The following ZDHHC14 variants were observed in gnomAD, a reference collection of about 807,000 sequenced individuals.
ZDHHC14 encodes zDHHC palmitoyltransferase 14.
Under a neutral mutation model 47.7 loss-of-function variants are expected in ZDHHC14, and 16 were observed. The observed-to-expected ratio is 0.34, with a 90% CI of 0.23 to 0.51. The LOEUF (loss-of-function observed/expected upper bound fraction) is 0.51. ZDHHC14 is among the 20% of genes least tolerant of loss of function. The pLI is 0.97. For synonymous variants in ZDHHC14, 293 were observed against 278.9 expected (o/e 1.05, Z -0.50); for missense variants, 515 against 662.5 (o/e 0.78, Z 2.44).
chr6:157,600,037 T>C (rs2114905115), intron 3 of ZDHHC14, among the ~76,000 whole-genome samples: 1 of 152,316 alleles, frequency 6.6e-6, no homozygotes, highest in South Asian at 2.1e-4. Context: ...CTGAAAAGTT[T>C]TATGAAGAAC....
chr6:157,575,857 T>C (rs1783286188), intron 2 of ZDHHC14, among the ~76,000 whole-genome samples: 1 of 152,214 alleles, frequency 6.6e-6, no homozygotes, highest in Non-Finnish European at 1.5e-5. Context: ...CCCTCAATGC[T>C]CATAGGTGTT....
At chr6:157,588,854 G>T (rs1419639877) in intron 2 of ZDHHC14, among the ~76,000 whole-genome samples, 1 of 152,090 alleles carries the variant, frequency 6.6e-6, no homozygotes, top group Non-Finnish European at 1.5e-5. Flanking sequence ...TCGGTGAAAT[G>T]CAGATTCCCA....
chr6:157,542,531 C>A, intron 1 of ZDHHC14, 54 bp from the exon 2 acceptor site: 1 of 1,579,466 alleles, frequency 6.3e-7, no homozygotes, highest in South Asian at 1.2e-5. Flanking sequence ...TGATTCCTAA[C>A]ATTGTATTTC....
intron 3 of ZDHHC14, among the ~76,000 whole-genome samples, chr6:157,623,189 A>G (rs943190336): frequency 6.6e-6 from 1 of 152,092 alleles, no homozygotes; most frequent in Admixed American, 6.5e-5. Context: ...TCCCCACCCA[A>G]ATCTCATCCT....
chr6:157,450,190 A>G (rs1371152579), intron 1 of ZDHHC14, among the ~76,000 whole-genome samples: 3 of 152,052 alleles, frequency 2.0e-5, no homozygotes, highest in Non-Finnish European at 2.9e-5. Flanking sequence ...TTCTCAAGCC[A>G]GACTAGTATG....
chr6:157,565,978 G>C (rs915591759), intron 2 of ZDHHC14, among the ~76,000 whole-genome samples: 8 of 152,228 alleles, frequency 5.3e-5, no homozygotes, highest in Non-Finnish European at 1.2e-4. Context: ...TTGATTCCCA[G>C]GAAAACGCTC....
chr6:157,664,193 T>G (rs1197397406), intron 8 of ZDHHC14, among the ~76,000 whole-genome samples: 3 of 152,214 alleles, frequency 2.0e-5, no homozygotes, highest in Non-Finnish European at 4.4e-5. Context: ...ACTGGATAAT[T>G]TCTTTGGATC....
At chr6:157,465,244 G>A (rs183218932) in intron 1 of ZDHHC14, among the ~76,000 whole-genome samples, 7 of 150,810 alleles carry the variant, frequency 4.6e-5, no homozygotes, top group African/African-American at 1.7e-4. Flanking sequence ...TTTAGATTGT[G>A]TTAGTTTCAG....
Position 157,460,405 on chromosome 6 carries a change from GAAAAAAAAAAAAAAAAAA to G in ZDHHC14, c.245+78152_245+78169del, listed in dbSNP as rs1164382844. 3.0e-4 allele frequency among the ~76,000 whole-genome samples: 13 copies of G among 43,388 alleles called. No individual in the cohort carries two copies. In the East Asian group the frequency reaches 3.2e-3, roughly 11 times the overall value. The allele number at this position is 43,388 out of a possible 152,430, so 28.5% of individuals were successfully genotyped here. Reference sequence around the variant, plus strand: ...CAGAGCCAGACTCACTCTCTCTCTGGAAAAAAAAAAAAAAAAAAAAAAAAAAAAAAGAGTCATTCCTAT... The same window carrying G: ...CAGAGCCAGACTCACTCTCTCTCTGGAAAAAAAAAAAAGAGTCATTCCTAT... On this transcript the variant is annotated intron_variant, in intron 1 of 8. Coordinates refer to ENST00000359775, the MANE Select transcript of ZDHHC14 (RefSeq NM_024630.3).
intron 5 of ZDHHC14, among the ~76,000 whole-genome samples, chr6:157,633,857 T>C (rs1776837391): frequency 6.6e-6 from 1 of 152,208 alleles, no homozygotes; most frequent in South Asian, 2.1e-4. Context: ...TTCACCATGT[T>C]GGCCAGGCTG....
At chr6:157,420,629 C>T (rs1342021008) in intron 1 of ZDHHC14, among the ~76,000 whole-genome samples, 10 of 152,200 alleles carry the variant, frequency 6.6e-5, no homozygotes, top group Admixed American at 1.3e-4. Flanking sequence ...TGAGTGGCCT[C>T]GGTCAGCTTT....
At chr6:157,469,390 C>T (rs974289340) in intron 1 of ZDHHC14, among the ~76,000 whole-genome samples, 1 of 152,158 alleles carries the variant, frequency 6.6e-6, no homozygotes, top group Non-Finnish European at 1.5e-5. Context: ...GGCAGTTGTG[C>T]CCTAGGTACT....
intron 3 of ZDHHC14, among the ~76,000 whole-genome samples, chr6:157,602,448 C>G (rs989718956): frequency 1.3e-4 from 20 of 149,586 alleles, no homozygotes; most frequent in Non-Finnish European, 2.7e-4. Context: ...CGAGATGGCA[C>G]CACTGCACTC....
At chr6:157,623,401 G>T (rs549032221) in intron 3 of ZDHHC14, among the ~76,000 whole-genome samples, 1 of 151,930 alleles carries the variant, frequency 6.6e-6, no homozygotes, top group Non-Finnish European at 1.5e-5. Flanking sequence ...ATGTGTTTGC[G>T]TCCCCTTCCA....
At chr6:157,631,576 T>A (rs1785741403) in intron 4 of ZDHHC14, 1 of 151,914 alleles carries the variant, frequency 6.6e-6, no homozygotes, top group Non-Finnish European at 1.5e-5. Flanking sequence ...GTCATCTGAG[T>A]CTCTCTGTGG....
chr6:157,508,720 ATCCATC>A (rs200152011), intron 1 of ZDHHC14, among the ~76,000 whole-genome samples: 1,695 of 152,248 alleles, frequency 0.011, 36 homozygotes, highest in African/African-American at 0.038. Flanking sequence ...CTTTTGTATT[ATCCATC>A]TCTTGATCTT....
At chr6:157,565,130 C>T (rs534399378) in intron 2 of ZDHHC14, among the ~76,000 whole-genome samples, 2 of 152,136 alleles carry the variant, frequency 1.3e-5, no homozygotes, top group Admixed American at 6.5e-5. Context: ...ACCTGGAGTC[C>T]CAGCTACTTG....
intron 1 of ZDHHC14, among the ~76,000 whole-genome samples, chr6:157,391,937 G>A (rs183164649): frequency 6.6e-6 from 1 of 152,246 alleles, no homozygotes; most frequent in East Asian, 1.9e-4. Context: ...ACTGCTGTAG[G>A]ATTTGATTTG....
intron 5 of ZDHHC14, among the ~76,000 whole-genome samples, chr6:157,633,841 C>T (rs1776835409): frequency 6.6e-6 from 1 of 152,024 alleles, no homozygotes; most frequent in African/African-American, 2.4e-5. Context: ...TTAGTAGAGA[C>T]GGGGTTTCAC....
Sources: gnomAD v4.1 joint callset for allele counts (sites outside exome capture counted in the v4.1 genomes callset) on GRCh38, gnomAD v4.1.1 for gene constraint, MANE v1.5 for transcripts, NCBI Gene and HGNC (gene_info 2026-07-23, HGNC 2026-07-21) for gene names.